Variants in SPRED2 observed in about 807,000 individuals in gnomAD.
SPRED2 encodes sprouty-related, EVH1 domain-containing protein 2.
A neutral mutation model predicts 43.0 loss-of-function variants in SPRED2; 47 were observed. The ratio of observed to expected loss-of-function variants is 1.09; its 90% CI spans 0.87 to 1.40. SPRED2 has a LOEUF of 1.40. Ranked by LOEUF, SPRED2 falls within the 40% of genes most tolerant of loss-of-function variation. SPRED2 has a pLI of 0.00. For synonymous variants in SPRED2, 225 were observed against 225.7 expected (o/e 1.00, Z 0.03); for missense variants, 561 against 586.4 (o/e 0.96, Z 0.45).
At chr2:65,421,030 C>T (rs999515330) in intron 1 of SPRED2, among the ~76,000 whole-genome samples, 22 of 152,186 alleles carry the variant, frequency 1.4e-4, no homozygotes, top group Non-Finnish European at 4.4e-5. Context: ...GCAGCCTTTC[C>T]GTGCATACAT....
At chr2:65,343,278 G>A (rs1164329666) in intron 2 of SPRED2, among the ~76,000 whole-genome samples, 1 of 152,096 alleles carries the variant, frequency 6.6e-6, no homozygotes, top group Non-Finnish European at 1.5e-5. Context: ...TTCATTATTT[G>A]ACTATTATAT....
chr2:65,394,700 T>C (rs1206113554), intron 1 of SPRED2, among the ~76,000 whole-genome samples: 1 of 152,114 alleles, frequency 6.6e-6, no homozygotes, highest in Admixed American at 6.6e-5. Flanking sequence ...CGAAGATTGC[T>C]AGGAGCCATG....
intron 4 of SPRED2, among the ~76,000 whole-genome samples, chr2:65,322,294 A>ATATTTT (rs1350932295): frequency 6.2e-5 from 4 of 64,932 alleles, no homozygotes; most frequent in African/African-American, 2.1e-4. Context: ...ATATATATAT[A>ATATTTT]TTTTTTTTTT....
chr2:65,404,045 A>C (rs953100538), intron 1 of SPRED2, among the ~76,000 whole-genome samples: 1 of 152,058 alleles, frequency 6.6e-6, no homozygotes, highest in African/African-American at 2.4e-5. Context: ...TCTCTACTAA[A>C]AATACAAAAA....
At chr2:65,384,565 G>A (rs569370834) in intron 1 of SPRED2, among the ~76,000 whole-genome samples, 2 of 152,284 alleles carry the variant, frequency 1.3e-5, no homozygotes, top group South Asian at 2.1e-4. Context: ...AGAGCAAGCC[G>A]GTGTGGTAGC....
In SPRED2 at chr2:65,329,631, C is replaced by T. The variant is rs111324056; in HGVS notation, c.438+2356G>A. Among the ~76,000 whole-genome samples the T allele has an allele frequency of 5.1e-3, 771 of 152,270 alleles. 4 individuals carry two copies. Among genetic ancestry groups the T allele is most frequent in the African/African-American group, 0.017 (699 of 41,546 alleles). ...CAAAACCAGGAGGGATTCTGGCTTC[C>T]ATCATCCCTTTCCCTCTCACCCTCT... On this transcript the variant is annotated intron_variant, in intron 4 of 5. Coordinates refer to ENST00000356388, the MANE Select transcript of SPRED2 (RefSeq NM_181784.3).
At position 65,311,263 on chromosome 2, in the gene SPRED2, G is replaced by A; in HGVS notation, c.*2238C>T. The stretch of plus-strand genomic sequence containing the variant: ...CAGCTGCAGTGTGGCAATTAGAGAC[G>A]TATTTACATAAATGTCCCCATGGCT... On this transcript the variant is annotated 3_prime_UTR_variant, in exon 6 of 6. Transcript: ENST00000356388. The A allele has an allele frequency of 3.0e-6, 3 of 985,846 alleles. No homozygotes were observed. The highest frequency in any genetic ancestry group is 3.6e-6 in the Non-Finnish European group (3 of 829,930). 61.1% of individuals were successfully genotyped at this position (985,846 alleles called of 1,614,324 possible).
Position 65,366,628 on chromosome 2 carries a change from G to A in SPRED2, c.27-21732C>T, listed in dbSNP as rs763557791. On this transcript the variant is annotated intron_variant, in intron 1 of 5. Transcript: ENST00000356388. ...CCATTTCCTCTACATTGTGGAGCCC[G>A]AGTGCTGGGTATTAGCATTATTGCT... The A allele has an allele frequency of 2.3e-5, 36 of 1,552,798 alleles. No individual in the cohort carries two copies. In the Admixed American group the frequency reaches 2.7e-4, roughly 12 times the overall value.
intron 1 of SPRED2, among the ~76,000 whole-genome samples, chr2:65,345,776 G>T (rs1240884626): frequency 6.6e-6 from 1 of 152,108 alleles, no homozygotes; most frequent in Admixed American, 6.5e-5. Flanking sequence ...TTCTGTTTAT[G>T]ATTTTATTTC....
chr2:65,377,808 C>CG, intron 1 of SPRED2: 2 of 432,964 alleles, frequency 4.6e-6, no homozygotes. Flanking sequence ...AAGAGGAGCC[C>CG]GGGGGCAGTC....
intron 1 of SPRED2, among the ~76,000 whole-genome samples, chr2:65,378,733 C>T (rs1675303838): frequency 6.6e-6 from 1 of 152,224 alleles, no homozygotes; most frequent in South Asian, 2.1e-4. Context: ...CATCAACTAA[C>T]ACATTGGTTC....
chr2:65,425,267 A>C (rs1676530148), intron 1 of SPRED2, among the ~76,000 whole-genome samples: 1 of 152,232 alleles, frequency 6.6e-6, no homozygotes, highest in South Asian at 2.1e-4. Context: ...AGGAGCCAAA[A>C]CCATACATTT....
At chr2:65,337,244 G>A (rs984989999) in intron 2 of SPRED2, among the ~76,000 whole-genome samples, 2 of 152,096 alleles carry the variant, frequency 1.3e-5, no homozygotes, top group African/African-American at 4.8e-5. Flanking sequence ...AAAATGAAAA[G>A]GTTTTAGATG....
chr2:65,414,439 T>C (rs1572902359), intron 1 of SPRED2, among the ~76,000 whole-genome samples: 2 of 152,228 alleles, frequency 1.3e-5, no homozygotes, highest in East Asian at 3.9e-4. Context: ...AAGCTAATAT[T>C]CCTGCTGCCT....
chr2:65,394,696 T>C (rs1675713913), intron 1 of SPRED2, among the ~76,000 whole-genome samples: 1 of 152,086 alleles, frequency 6.6e-6, no homozygotes, highest in Admixed American at 6.5e-5. Context: ...GGTACGAAGA[T>C]TGCTAGGAGC....
chr2:65,363,600 C>A (rs1481014610), intron 1 of SPRED2, among the ~76,000 whole-genome samples: 1 of 152,140 alleles, frequency 6.6e-6, no homozygotes, highest in Non-Finnish European at 1.5e-5. Flanking sequence ...GTGGGGAGGA[C>A]AATATCACAG....
At chr2:65,388,887 C>T (rs1445642953) in intron 1 of SPRED2, among the ~76,000 whole-genome samples, 1 of 152,170 alleles carries the variant, frequency 6.6e-6, no homozygotes, top group Non-Finnish European at 1.5e-5. Flanking sequence ...CTCCTTGGCT[C>T]AGGGGTAAAT....
downstream of SPRED2, chr2:65,308,512 G>A (rs1318679911): frequency 4.5e-5 from 44 of 985,232 alleles, no homozygotes; most frequent in African/African-American, 1.0e-4. Context: ...TTGATAATGC[G>A]CTTCAGCCTT....
intron 4 of SPRED2, 70 bp from the exon 5 acceptor site, chr2:65,316,953 C>T: frequency 6.7e-7 from 1 of 1,498,200 alleles, no homozygotes; most frequent in Non-Finnish European, 9.2e-7. Context: ...CAAACCCTGA[C>T]ATGCACTATT....
Sources: allele counts gnomAD v4.1 joint callset (sites outside exome capture counted in the v4.1 genomes callset), GRCh38; gene constraint gnomAD v4.1.1; transcripts MANE v1.5; gene names NCBI Gene and HGNC (gene_info 2026-07-23, HGNC 2026-07-21).